Variants in CNTNAP5 observed in about 807,000 individuals in gnomAD.
CNTNAP5 encodes the protein contactin-associated protein-like 5.
A neutral mutation model predicts 150.2 loss-of-function variants in CNTNAP5; 72 were observed. The ratio of observed to expected loss-of-function variants is 0.48; its 90% CI spans 0.40 to 0.58. CNTNAP5 has a LOEUF of 0.58. Ranked by LOEUF, CNTNAP5 falls within the 20% of genes least tolerant of loss-of-function variation. The pLI is 0.00. For synonymous variants in CNTNAP5, 672 were observed against 619.8 expected, an observed-to-expected ratio of 1.08 and a Z score of -1.25; for missense variants, 1,636 against 1,626.2, an observed-to-expected ratio of 1.01 and a Z score of -0.10.
intron 3 of CNTNAP5, among the ~76,000 whole-genome samples, chr2:124,260,801 C>A (rs569036064): frequency 6.6e-6 from 1 of 152,270 alleles, no homozygotes; most frequent in Admixed American, 6.5e-5. Flanking sequence ...AATGAAAATA[C>A]CATCCAATGC....
intron 6 of CNTNAP5, among the ~76,000 whole-genome samples, chr2:124,450,113 T>C (rs75297301): frequency 0.042 from 6,355 of 152,180 alleles, 161 homozygotes; most frequent in Non-Finnish European, 0.051. Context: ...CTTTCTGCCA[T>C]GCGTCCATAT....
At chr2:124,535,810 A>AAAAAAGG (rs1372636767) in intron 10 of CNTNAP5, among the ~76,000 whole-genome samples, 1 of 152,002 alleles carries the variant, frequency 6.6e-6, no homozygotes. Flanking sequence ...AAGAAAAAAG[A>AAAAAAGG]AAAAGAAAGT....
At chr2:124,635,921 A>G (rs1260945424) in intron 12 of CNTNAP5, among the ~76,000 whole-genome samples, 2 of 152,226 alleles carry the variant, frequency 1.3e-5, no homozygotes, top group Non-Finnish European at 2.9e-5. Context: ...TGTAAAGAGA[A>G]GCAAGTAGGA....
At chr2:124,089,232 GTC>G (rs1682763763) in intron 1 of CNTNAP5, among the ~76,000 whole-genome samples, 1 of 151,536 alleles carries the variant, frequency 6.6e-6, no homozygotes. Context: ...AGAGGGAAAA[GTC>G]TATTTTCTCC....
intron 1 of CNTNAP5, among the ~76,000 whole-genome samples, chr2:124,171,039 T>C (rs974694632): frequency 6.6e-6 from 1 of 152,194 alleles, no homozygotes; most frequent in East Asian, 1.9e-4. Flanking sequence ...TTGATTTTAT[T>C]TTTTATTCAT....
At chr2:124,575,651 A>G (rs1350649005) in intron 11 of CNTNAP5, among the ~76,000 whole-genome samples, 1 of 152,186 alleles carries the variant, frequency 6.6e-6, no homozygotes. Context: ...TATCACCTCC[A>G]CGTATACAGG....
At chr2:124,527,193 T>G in intron 9 of CNTNAP5, 92 bp from the exon 10 acceptor site, 1 of 1,063,822 alleles carries the variant, frequency 9.4e-7, no homozygotes, top group Non-Finnish European at 1.4e-6. Context: ...AGCACCAAAC[T>G]AATTAGACCT....
intron 8 of CNTNAP5, among the ~76,000 whole-genome samples, chr2:124,516,024 G>T (rs1405915984): frequency 1.3e-5 from 2 of 151,900 alleles, no homozygotes; most frequent in African/African-American, 4.8e-5. Context: ...GAAAAGAGGG[G>T]GACCACTAAA....
intron 12 of CNTNAP5, among the ~76,000 whole-genome samples, chr2:124,612,307 C>T (rs1466034254): frequency 6.6e-6 from 1 of 151,986 alleles, no homozygotes; most frequent in Non-Finnish European, 1.5e-5. Context: ...TATATACATA[C>T]AGACACAGAA....
At chr2:124,493,887 T>C (rs1393905319) in intron 7 of CNTNAP5, among the ~76,000 whole-genome samples, 1 of 151,870 alleles carries the variant, frequency 6.6e-6, no homozygotes, top group Non-Finnish European at 1.5e-5. Flanking sequence ...AAAAGCAGCA[T>C]ATACTTGTAT....
chr2:124,416,956 T>A lies in CNTNAP5; in HGVS notation c.382-487T>A, dbSNP rs1207298339. 2.0e-5 allele frequency among the ~76,000 whole-genome samples: 3 copies of A among 149,296 alleles called. No homozygotes were observed. In the East Asian group the frequency reaches 5.9e-4, roughly 29 times the overall value. Reference sequence around the variant, plus strand: ...GATTTCTTTTTTTTTTTTTTTTTTTTTGACAGAGTCTCCCTCTGTCGCCCA... The same window carrying A: ...GATTTCTTTTTTTTTTTTTTTTTTTATGACAGAGTCTCCCTCTGTCGCCCA... On this transcript the variant is annotated intron_variant, in intron 3 of 23. Coordinates refer to ENST00000682447, the MANE Select transcript of CNTNAP5 (RefSeq NM_001367498.1).
chr2:124,364,686 T>A (rs941728266), intron 3 of CNTNAP5, among the ~76,000 whole-genome samples: 2 of 152,178 alleles, frequency 1.3e-5, no homozygotes, highest in African/African-American at 4.8e-5. Context: ...AAGAAAGAGA[T>A]ATCATGATGC....
At chr2:124,781,617 C>T (rs1004286244) in intron 17 of CNTNAP5, among the ~76,000 whole-genome samples, 1 of 152,074 alleles carries the variant, frequency 6.6e-6, no homozygotes, top group Admixed American at 6.5e-5. Flanking sequence ...TAAGACTGAC[C>T]ATCCTTCCAG....
chr2:124,768,307 G>GTGTGTGTGTGTGTGTGTGTGTGTGTGTA, intron 16 of CNTNAP5, among the ~76,000 whole-genome samples: 1 of 144,618 alleles, frequency 6.9e-6, no homozygotes, highest in Non-Finnish European at 1.5e-5. Flanking sequence ...GTGTGTGTGT[G>GTGTGTGTGTGTGTGTGTGTGTGTGTGTA]TGTATATGTA....
chr2:124,050,857 A>G (rs921686572), intron 1 of CNTNAP5, among the ~76,000 whole-genome samples: 3 of 152,240 alleles, frequency 2.0e-5, no homozygotes, highest in Non-Finnish European at 4.4e-5. Flanking sequence ...GCAAGTCCTG[A>G]AACAAAATTT....
At chr2:124,549,041 G>A (rs532411298) in intron 10 of CNTNAP5, among the ~76,000 whole-genome samples, 10 of 152,336 alleles carry the variant, frequency 6.6e-5, no homozygotes, top group East Asian at 5.8e-4. Flanking sequence ...CTCAGACATG[G>A]TAGCCTCTGG....
At chr2:124,542,080 C>CA (rs1267186931) in intron 10 of CNTNAP5, among the ~76,000 whole-genome samples, 1 of 151,870 alleles carries the variant, frequency 6.6e-6, no homozygotes, top group Non-Finnish European at 1.5e-5. Flanking sequence ...TACGTTATTG[C>CA]AACTGTAGCT....
chr2:124,049,204 T>C (rs1681625540), intron 1 of CNTNAP5, among the ~76,000 whole-genome samples: 1 of 152,214 alleles, frequency 6.6e-6, no homozygotes, highest in Admixed American at 6.5e-5. Flanking sequence ...TTTTGTCCTT[T>C]TATTCCCTTT....
intron 11 of CNTNAP5, among the ~76,000 whole-genome samples, chr2:124,602,570 T>G (rs1183947993): frequency 2.0e-5 from 3 of 152,084 alleles, no homozygotes; most frequent in Non-Finnish European, 4.4e-5. Context: ...CATAGCTCAC[T>G]GCAGGCTCAA....
Sources: allele counts gnomAD v4.1 joint callset (sites outside exome capture counted in the v4.1 genomes callset), GRCh38; gene constraint gnomAD v4.1.1; transcripts MANE v1.5; gene names NCBI Gene and HGNC (gene_info 2026-07-23, HGNC 2026-07-21).